TRPC4: variants seen among roughly 807,000 people sequenced by gnomAD.
The protein encoded by TRPC4 is transient receptor potential cation channel subfamily C member 4.
TRPC4 carries 49 observed loss-of-function variants against 99.4 expected under a neutral mutation model. The observed-to-expected ratio is 0.49, with a 90% CI of 0.39 to 0.63. The LOEUF is 0.63. Among genes scored for constraint, TRPC4 ranks in the 20% least tolerant of loss-of-function variants. The probability of loss-of-function intolerance (pLI) is 0.00; values close to 1 mark genes in which losing one functional copy is unlikely to be tolerated. For missense variants in TRPC4, 898 were observed against 1,152.9 expected (o/e 0.78, Z 3.20); for synonymous variants, 454 against 425.9 (o/e 1.07, Z -0.81).
intron 6 of TRPC4, among the ~76,000 whole-genome samples, chr13:37,661,947 G>A (rs1235364893): frequency 1.3e-5 from 2 of 152,118 alleles, no homozygotes; most frequent in Non-Finnish European, 2.9e-5. Flanking sequence ...GAAGAGAGCA[G>A]TGGGAAGATG....
rs1291060620 is a variant in TRPC4 at position 37,637,036 on chromosome 13, T to C, written c.2801A>G (p.Lys934Arg). ...AGGAACCGTGTCCTCCACCACCACC[T>C]TCTCTGACTTGAATGGACACACTCT... ...GKRVCPFKSEKVVVEDTVPII... is the reference protein window; with the variant it reads ...GKRVCPFKSERVVVEDTVPII... The change falls in exon 11 of 11, where the codon AAG becomes AGG. Residue 934 changes from lysine (K) to arginine (R), a missense_variant. Lys to Arg is a conservative substitution (Grantham distance 26, BLOSUM62 2). Around this residue, in one of 3 missense-constraint regions of TRPC4, gnomAD observed 346 missense variants for 351.4 expected, o/e 0.98. Coordinates refer to ENST00000379705, the MANE Select transcript of TRPC4 (RefSeq NM_016179.4). 1 of 1,613,676 alleles carries C rather than the reference T, an allele frequency of 6.2e-7. No individual in the cohort carries two copies. The highest frequency in any genetic ancestry group is 8.5e-7 in the Non-Finnish European group (1 of 1,179,792).
chr13:37,757,154 A>C (rs1436427535), intron 2 of TRPC4, among the ~76,000 whole-genome samples: 2 of 152,064 alleles, frequency 1.3e-5, no homozygotes, highest in African/African-American at 4.8e-5. Context: ...TTACACTGGA[A>C]GATAATTAGA....
chr13:37,723,531 T>C (rs1368404101), intron 3 of TRPC4, among the ~76,000 whole-genome samples: 1 of 152,116 alleles, frequency 6.6e-6, no homozygotes, highest in East Asian at 1.9e-4. Flanking sequence ...ATACCCACTG[T>C]TGGTGGAGAT....
At chr13:37,720,913 T>C (rs1317487457) in intron 3 of TRPC4, among the ~76,000 whole-genome samples, 1 of 152,188 alleles carries the variant, frequency 6.6e-6, no homozygotes, top group East Asian at 1.9e-4. Context: ...TGTCAGTGAT[T>C]TACACAACAG....
rs1951459923 is a variant in TRPC4, at chr13:37,634,437, G to A, written c.*2466C>T. On this transcript the variant is annotated 3_prime_UTR_variant, in exon 11 of 11. Coordinates refer to ENST00000379705, the MANE Select transcript of TRPC4 (RefSeq NM_016179.4). ...AACACATCTGTCAGCAACATCTGGG[G>A]GTTGTTAGAATCATCCTTTCTAGGG... Among the ~76,000 whole-genome samples, 2 of 151,980 alleles carry A rather than the reference G, an allele frequency of 1.3e-5. 1 individual carries two copies. Among genetic ancestry groups the A allele is most frequent in the South Asian group, 4.1e-4 (2 of 4,832 alleles).
chr13:37,800,957 T>C (rs1352608120), intron 1 of TRPC4, among the ~76,000 whole-genome samples: 1 of 152,110 alleles, frequency 6.6e-6, no homozygotes, highest in Non-Finnish European at 1.5e-5. Context: ...ACATTTTCGA[T>C]ATTTCAAATT....
chr13:37,822,041 A>C (rs901573716), intron 1 of TRPC4, among the ~76,000 whole-genome samples: 1 of 152,212 alleles, frequency 6.6e-6, no homozygotes, highest in Non-Finnish European at 1.5e-5. Context: ...GAATGGGGAA[A>C]ATATTTGAAA....
intron 1 of TRPC4, among the ~76,000 whole-genome samples, chr13:37,803,402 G>C (rs1000785222): frequency 3.9e-5 from 6 of 151,920 alleles, no homozygotes; most frequent in African/African-American, 1.5e-4. Context: ...CCCACATATA[G>C]AGACACATTA....
intron 1 of TRPC4, among the ~76,000 whole-genome samples, chr13:37,803,226 T>C (rs886065821): frequency 7.9e-5 from 12 of 152,066 alleles, no homozygotes; most frequent in Admixed American, 7.9e-4. Context: ...GCATTTTCCC[T>C]GCTCCAGCCC....
intron 3 of TRPC4, among the ~76,000 whole-genome samples, chr13:37,706,656 G>A (rs941949516): frequency 6.7e-6 from 1 of 149,498 alleles, no homozygotes; most frequent in African/African-American, 2.5e-5. Flanking sequence ...AGGCCCCGGT[G>A]TGCGATGTTC....
chr13:37,651,164 G>A, intron 8 of TRPC4, 101 bp downstream of exon 8: 1 of 1,343,780 alleles, frequency 7.4e-7, no homozygotes, highest in Non-Finnish European at 1.0e-6. Context: ...CAATCAGTAA[G>A]AACAAAAAGG....
chr13:37,709,346 T>C (rs532589336), intron 3 of TRPC4, among the ~76,000 whole-genome samples: 2 of 151,970 alleles, frequency 1.3e-5, no homozygotes, highest in African/African-American at 2.4e-5. Flanking sequence ...GTAATTCACA[T>C]TGGAAGGATA....
chr13:37,637,548 T>A lies in TRPC4; in HGVS notation c.2289A>T (p.Gln763His). Reference sequence around the variant, plus strand: ...AAGACTCCTTCGAGGCATTCGCAGATTGTATTGTGGAAAGTTTGCTTCCTC... The same window carrying A: ...AAGACTCCTTCGAGGCATTCGCAGAATGTATTGTGGAAAGTTTGCTTCCTC... ...LLRGSKLSTI[Q>H]SANASKESSN... Residue 763 changes from glutamine (Q) to histidine (H), a missense_variant, in exon 11 of 11, where the codon CAA becomes CAT. This residue lies in a region of TRPC4 where 346 missense variants were observed against 351.4 expected (regional missense o/e 0.98). Transcript: ENST00000379705. 1.9e-6 allele frequency: 3 copies of A among 1,613,452 alleles called. No individual in the cohort carries two copies. The highest frequency in any genetic ancestry group is 2.5e-6 in the Non-Finnish European group (3 of 1,179,672).
At chr13:37,709,911 C>T (rs1274797653) in intron 3 of TRPC4, among the ~76,000 whole-genome samples, 1 of 152,008 alleles carries the variant, frequency 6.6e-6, no homozygotes, top group East Asian at 1.9e-4. Flanking sequence ...ATTTTACCTA[C>T]TGTTATCAAA....
At chr13:37,699,692 C>T (rs911511373) in intron 3 of TRPC4, among the ~76,000 whole-genome samples, 1 of 152,158 alleles carries the variant, frequency 6.6e-6, no homozygotes, top group East Asian at 1.9e-4. Flanking sequence ...CTTAAATATA[C>T]ATGTTAAATT....
intron 1 of TRPC4, among the ~76,000 whole-genome samples, chr13:37,839,526 C>T (rs746960111): frequency 1.1e-4 from 17 of 152,196 alleles, no homozygotes; most frequent in Non-Finnish European, 1.8e-4. Flanking sequence ...TTTAATAATT[C>T]GGTTTCAATA....
intron 4 of TRPC4, among the ~76,000 whole-genome samples, chr13:37,688,021 C>T (rs978526183): frequency 1.3e-5 from 2 of 152,170 alleles, no homozygotes; most frequent in Non-Finnish European, 1.5e-5. Flanking sequence ...TGACAAGCAT[C>T]ATAAGTTTGG....
chr13:37,784,488 T>C (rs972448986), intron 1 of TRPC4, among the ~76,000 whole-genome samples: 23 of 152,094 alleles, frequency 1.5e-4, no homozygotes, highest in African/African-American at 5.3e-4. Flanking sequence ...GTATGATTTC[T>C]TTGTTGCTGT....
intron 1 of TRPC4, among the ~76,000 whole-genome samples, chr13:37,823,042 T>C (rs1958063643): frequency 6.6e-6 from 1 of 150,858 alleles, no homozygotes; most frequent in Non-Finnish European, 1.5e-5. Flanking sequence ...CATTTTTTCA[T>C]GTGTTTTTTG....
Sources: gnomAD v4.1 joint callset for allele counts (sites outside exome capture counted in the v4.1 genomes callset) on GRCh38, gnomAD v4.1.1 for gene constraint, gnomAD v4.1.1 regional missense constraint, MANE v1.5 for transcripts, NCBI Gene and HGNC (gene_info 2026-07-23, HGNC 2026-07-21) for gene names.